The following CAGE1 variants were observed in gnomAD, a reference collection of about 807,000 sequenced individuals.
CAGE1 encodes the protein cancer-associated gene 1 protein.
In CAGE1, 66 loss-of-function variants were observed where a neutral mutation model predicts 94.9. That is an observed-to-expected ratio of 0.70 (90% CI 0.57 to 0.85). The LOEUF (loss-of-function observed/expected upper bound fraction) is 0.85, where lower values mean the gene tolerates loss of function less well. Ranked by LOEUF, CAGE1 falls within the 40% of genes least tolerant of loss-of-function variation. The pLI is 0.00. For synonymous variants in CAGE1, 319 were observed against 321.0 expected, an observed-to-expected ratio of 0.99 and a Z score of 0.07; for missense variants, 865 against 950.4, an observed-to-expected ratio of 0.91 and a Z score of 1.18.
intron 9 of CAGE1, among the ~76,000 whole-genome samples, chr6:7,363,304 A>G (rs910875337): frequency 1.3e-5 from 2 of 152,190 alleles, no homozygotes; most frequent in African/African-American, 4.8e-5. Flanking sequence ...CTAACAGATA[A>G]GGGCTTTTAA....
chr6:7,360,643 T>C (rs1760133591), intron 9 of CAGE1, among the ~76,000 whole-genome samples: 1 of 152,098 alleles, frequency 6.6e-6, no homozygotes, highest in African/African-American at 2.4e-5. Flanking sequence ...GTTGTGTACA[T>C]ACAATACAAT....
intron 9 of CAGE1, among the ~76,000 whole-genome samples, chr6:7,358,371 C>A (rs909198862): frequency 1.3e-5 from 2 of 151,902 alleles, no homozygotes; most frequent in Admixed American, 1.3e-4. Context: ...AGTAGTTCAT[C>A]CCTTTTTTAT....
chr6:7,364,277 T>C (rs1581685414), intron 9 of CAGE1, among the ~76,000 whole-genome samples: 1 of 152,212 alleles, frequency 6.6e-6, no homozygotes, highest in African/African-American at 2.4e-5. Context: ...GTATCCACTC[T>C]GTTAGATGCC....
At chr6:7,381,316 A>G (rs920418843) in intron 3 of CAGE1, among the ~76,000 whole-genome samples, 1 of 152,196 alleles carries the variant, frequency 6.6e-6, no homozygotes, top group Non-Finnish European at 1.5e-5. Context: ...CACAAAGACA[A>G]AAGGCCATGT....
chr6:7,380,664 A>T (rs987397891), intron 3 of CAGE1, among the ~76,000 whole-genome samples: 1 of 151,842 alleles, frequency 6.6e-6, no homozygotes, highest in Non-Finnish European at 1.5e-5. Flanking sequence ...TTTATTTCAC[A>T]CAAAATTTTG....
chr6:7,358,039 T>TAG (rs1760030351), intron 9 of CAGE1, among the ~76,000 whole-genome samples: 18 of 63,380 alleles, frequency 2.8e-4, no homozygotes, highest in African/African-American at 1.8e-3. Context: ...TATATATATA[T>TAG]ATATATATAT....
At chr6:7,352,306 C>CAAAAAAAAAAAAAA (rs796943772) in intron 11 of CAGE1, among the ~76,000 whole-genome samples, 1 of 103,978 alleles carries the variant, frequency 9.6e-6, no homozygotes, top group Non-Finnish European at 1.8e-5. Context: ...AAAAAAAAAA[C>CAAAAAAAAAAAAAA]AAAAAAAAAC....
chr6:7,342,107 G>A, intron 11 of CAGE1: 1 of 963,008 alleles, frequency 1.0e-6, no homozygotes, highest in Non-Finnish European at 1.7e-6. Context: ...CAGTTGGATA[G>A]GTCACGGCTG....
intron 3 of CAGE1, among the ~76,000 whole-genome samples, chr6:7,383,024 G>A (rs993171692): frequency 6.6e-6 from 1 of 152,214 alleles, no homozygotes; most frequent in Admixed American, 6.5e-5. Context: ...TATTGAGGGA[G>A]GGACCTGGTG....
chr6:7,385,383 G>A (rs1479202960), intron 3 of CAGE1, among the ~76,000 whole-genome samples: 3 of 151,174 alleles, frequency 2.0e-5, no homozygotes, highest in African/African-American at 7.3e-5. Flanking sequence ...GCTCATAACA[G>A]CCTTGGACTT....
intron 11 of CAGE1, among the ~76,000 whole-genome samples, chr6:7,345,285 C>G (rs1310516446): frequency 1.3e-5 from 2 of 152,184 alleles, no homozygotes; most frequent in African/African-American, 4.8e-5. Context: ...GCAGCACTGA[C>G]TGTTAAAGGT....
At chr6:7,341,357 G>T in intron 11 of CAGE1, 1 of 741,974 alleles carries the variant, frequency 1.3e-6, no homozygotes. Context: ...GGGTCCTGTT[G>T]TGATCAGGCA....
At chr6:7,341,011 T>G in intron 11 of CAGE1, 1 of 450,948 alleles carries the variant, frequency 2.2e-6, no homozygotes, top group South Asian at 1.8e-5. Flanking sequence ...GAGCTGTTGC[T>G]CTTCAAATGT....
chr6:7,372,940 AG>A lies in CAGE1; in HGVS notation c.1746+132del, dbSNP rs200594927. 2,044 of 697,890 alleles carry A rather than the reference AG, an allele frequency of 2.9e-3. 13 individuals are homozygous for A. The highest frequency in any genetic ancestry group is 0.016 in the Middle Eastern group (40 of 2,452). The allele number at this position is 697,890 out of a possible 1,614,324, so 43.2% of individuals were successfully genotyped here. ...AGATCCTCCTGCCTCAGCCTCCCAA[AG>A]TGCCGAGATCTGTTTCTTTCTTTAA... On this transcript the variant is annotated intron_variant, in intron 5 of 13. Coordinates refer to ENST00000502583, the MANE Select transcript of CAGE1 (RefSeq NM_001170692.2).
chr6:7,365,509 G>A lies in CAGE1; in HGVS notation c.2152C>T (p.Leu718=), dbSNP rs543196183. The part of the protein sequence containing the change: ...RDVPTLLGAK[L]DKYHSLNEEL... ...TCATTTAGACTGTGGTACTTATCCA[G>A]TTTGGCTCCCAGAAGGGTAGGTACA... Residue 718 remains leucine, a synonymous_variant, in exon 9 of 14, where the codon CTG becomes TTG. Coordinates refer to ENST00000502583, the MANE Select transcript of CAGE1 (RefSeq NM_001170692.2). 6.2e-7 allele frequency: 1 copy of A among 1,613,384 alleles called. No homozygotes were observed. Among genetic ancestry groups the A allele is most frequent in the Non-Finnish European group, 8.5e-7 (1 of 1,179,654 alleles).
intron 4 of CAGE1, 67 bp downstream of exon 4, chr6:7,378,550 T>G (rs1263530309): frequency 1.5e-6 from 2 of 1,373,708 alleles, no homozygotes; most frequent in African/African-American, 2.9e-5. Flanking sequence ...TAATTAACTC[T>G]CAGATGAACT....
At chr6:7,376,614 T>C (rs1198777355) in intron 4 of CAGE1, among the ~76,000 whole-genome samples, 4 of 152,204 alleles carry the variant, frequency 2.6e-5, no homozygotes, top group African/African-American at 9.6e-5. Context: ...GTCTGTGATA[T>C]AGTTGCAGCA....
rs930667863 is a variant in CAGE1, at chr6:7,387,037, A to G, written c.137T>C (p.Met46Thr). The G allele has an allele frequency of 6.4e-7, 1 of 1,552,094 alleles. No individual in the cohort carries two copies. Among genetic ancestry groups the G allele is most frequent in the Non-Finnish European group, 8.7e-7 (1 of 1,147,074 alleles). The change falls in exon 2 of 14, where the codon ATG (methionine) becomes ACG (threonine). Residue 46 changes from methionine (M) to threonine (T), a missense_variant. Met to Thr is a moderately conservative substitution (Grantham distance 81). Coordinates refer to ENST00000502583, the MANE Select transcript of CAGE1 (RefSeq NM_001170692.2). ...CATACAGATTGGAGAATGTGAAAGC[A>G]TTACACCTTGAGAAAGATTGCTGAC... ...MNVSNLSQGV[M>T]LSHSPICMET...
intron 11 of CAGE1, chr6:7,341,040 T>C: frequency 2.1e-6 from 1 of 474,100 alleles, no homozygotes; most frequent in Non-Finnish European, 4.1e-6. Flanking sequence ...CCAGGTACTT[T>C]TTCAAGTTGA....
Sources: gnomAD v4.1 joint callset for allele counts (sites outside exome capture counted in the v4.1 genomes callset) on GRCh38, gnomAD v4.1.1 for gene constraint, MANE v1.5 for transcripts, NCBI Gene and HGNC (gene_info 2026-07-23, HGNC 2026-07-21) for gene names.